RIMS1: variants seen among roughly 807,000 people sequenced by gnomAD.
The protein encoded by RIMS1 is regulating synaptic membrane exocytosis protein 1.
In RIMS1, 83 loss-of-function variants were observed where a neutral mutation model predicts 214.1. The ratio of observed to expected loss-of-function variants is 0.39; its 90% CI spans 0.32 to 0.47. RIMS1 has a LOEUF of 0.47. RIMS1 is among the 20% of genes least tolerant of loss of function. The pLI is 0.99. For synonymous variants in RIMS1, 793 were observed against 786.8 expected, an observed-to-expected ratio of 1.01 and a Z score of -0.13; for missense variants, 2,050 against 2,161.8, an observed-to-expected ratio of 0.95 and a Z score of 1.03.
intron 2 of RIMS1, among the ~76,000 whole-genome samples, chr6:72,039,970 C>CT (rs141018621): frequency 0.073 from 11,112 of 152,036 alleles, 468 homozygotes; most frequent in Middle Eastern, 0.13. Context: ...ATTGTTTTCA[C>CT]TTTTTTTGCA....
At chr6:71,922,980 A>G (rs543583068) in intron 1 of RIMS1, among the ~76,000 whole-genome samples, 3 of 152,256 alleles carry the variant, frequency 2.0e-5, no homozygotes, top group Admixed American at 2.0e-4. Flanking sequence ...AAAAAAAATT[A>G]GTGTTTAATT....
At chr6:72,032,421 T>C (rs1206447853) in intron 2 of RIMS1, among the ~76,000 whole-genome samples, 1 of 152,146 alleles carries the variant, frequency 6.6e-6, no homozygotes, top group African/African-American at 2.4e-5. Flanking sequence ...GGGTTTAAGT[T>C]TGGCTTGTCC....
At chr6:72,068,127 A>G (rs971706805) in intron 2 of RIMS1, among the ~76,000 whole-genome samples, 1 of 151,864 alleles carries the variant, frequency 6.6e-6, no homozygotes, top group African/African-American at 2.4e-5. Flanking sequence ...GGAAGAAGAA[A>G]AAAACATCCC....
At chr6:72,209,793 C>T (rs1397268129) in intron 6 of RIMS1, among the ~76,000 whole-genome samples, 3 of 149,440 alleles carry the variant, frequency 2.0e-5, no homozygotes, top group African/African-American at 2.4e-5. Flanking sequence ...CCCAGCTACT[C>T]GGGAGGCTGA....
intron 4 of RIMS1, among the ~76,000 whole-genome samples, chr6:72,135,196 CA>C (rs1414907941): frequency 6.6e-6 from 1 of 151,898 alleles, no homozygotes; most frequent in African/African-American, 2.4e-5. Flanking sequence ...ACAGAAAGCC[CA>C]AAAGAGTTCA....
At chr6:72,233,237 C>A (rs985996837) in intron 6 of RIMS1, among the ~76,000 whole-genome samples, 1 of 151,694 alleles carries the variant, frequency 6.6e-6, no homozygotes, top group African/African-American at 2.4e-5. Context: ...CATTTGTAGC[C>A]AGTCTTTTGG....
intron 1 of RIMS1, among the ~76,000 whole-genome samples, chr6:71,931,392 T>C (rs1782989054): frequency 6.6e-6 from 1 of 152,022 alleles, no homozygotes; most frequent in Admixed American, 6.6e-5. Flanking sequence ...AAAATAGCCA[T>C]TTGCAGATAT....
intron 1 of RIMS1, among the ~76,000 whole-genome samples, chr6:71,953,611 T>C (rs1265790864): frequency 6.6e-6 from 1 of 152,224 alleles, no homozygotes; most frequent in Non-Finnish European, 1.5e-5. Context: ...CATTATTTCA[T>C]ATCCTCCCAT....
At chr6:72,253,695 A>G (rs2074480847) in intron 16 of RIMS1, among the ~76,000 whole-genome samples, 5 of 152,098 alleles carry the variant, frequency 3.3e-5, no homozygotes, top group Admixed American at 3.3e-4. Flanking sequence ...CTCAGATGGC[A>G]GTGTACTTAA....
chr6:71,962,336 G>C (rs1793201430), intron 1 of RIMS1, among the ~76,000 whole-genome samples: 1 of 151,966 alleles, frequency 6.6e-6, no homozygotes, highest in Non-Finnish European at 1.5e-5. Context: ...TAATTTCCTG[G>C]CCTCTTCAGG....
chr6:72,305,664 G>GTA lies in RIMS1; in HGVS notation c.3851-1591_3851-1590dup, dbSNP rs534748904. On this transcript the variant is annotated intron_variant, in intron 26 of 33. Transcript: ENST00000521978. Reference sequence around the variant, plus strand: ...AATTACTCTTACATAGCATTTTACTGTATAATACTCCTTTTAACTCCTTAT... The same window carrying GTA: ...AATTACTCTTACATAGCATTTTACTGTATATAATACTCCTTTTAACTCCTTAT... Among the ~76,000 whole-genome samples the GTA allele has an allele frequency of 3.9e-5, 6 of 152,146 alleles. No homozygotes were observed. The South Asian group carries it at 1.2e-3, about 32-fold the overall frequency.
intron 29 of RIMS1, among the ~76,000 whole-genome samples, chr6:72,390,325 A>G (rs531314741): frequency 6.6e-6 from 1 of 152,298 alleles, no homozygotes; most frequent in Admixed American, 6.5e-5. Flanking sequence ...TGAAGTTGTC[A>G]CCATCAATAA....
intron 29 of RIMS1, among the ~76,000 whole-genome samples, chr6:72,353,084 G>A (rs534854485): frequency 2.0e-4 from 28 of 138,972 alleles, no homozygotes; most frequent in African/African-American, 6.3e-4. Flanking sequence ...TCCGTCTCCC[G>A]GGTTCAAGTG....
intron 29 of RIMS1, among the ~76,000 whole-genome samples, chr6:72,372,177 CAT>C (rs929590926): frequency 9.9e-5 from 15 of 152,138 alleles, no homozygotes; most frequent in African/African-American, 3.6e-4. Context: ...AGGCCATAAA[CAT>C]GTGTTGGTGA....
intron 23 of RIMS1, among the ~76,000 whole-genome samples, chr6:72,275,225 T>C (rs1278519551): frequency 6.8e-6 from 1 of 146,670 alleles, no homozygotes; most frequent in Non-Finnish European, 1.5e-5. Context: ...ACAAAGGTTT[T>C]TGGGTGTTTG....
chr6:72,381,027 T>TA (rs1350764686), intron 29 of RIMS1, among the ~76,000 whole-genome samples: 2 of 152,224 alleles, frequency 1.3e-5, no homozygotes, highest in Non-Finnish European at 1.5e-5. Flanking sequence ...AGGGCTGCTG[T>TA]AACAAAATGC....
At chr6:72,244,551 C>T (rs2068515398) in intron 10 of RIMS1, among the ~76,000 whole-genome samples, 1 of 151,644 alleles carries the variant, frequency 6.6e-6, no homozygotes, top group Non-Finnish European at 1.5e-5. Context: ...GATTTTTTTA[C>T]AATTTAATTT....
intron 26 of RIMS1, 37 bp downstream of exon 26, chr6:72,292,083 G>A: frequency 7.2e-7 from 1 of 1,392,930 alleles, no homozygotes; most frequent in South Asian, 1.3e-5. Context: ...CAAAAATCTT[G>A]GATTTGAGAA....
intron 4 of RIMS1, among the ~76,000 whole-genome samples, chr6:72,156,633 C>T (rs996915893): frequency 7.1e-6 from 1 of 140,186 alleles, no homozygotes; most frequent in Non-Finnish European, 1.6e-5. Flanking sequence ...TACCTCCCCA[C>T]ACAGGCGGAG....
Sources: gnomAD v4.1 joint callset for allele counts (sites outside exome capture counted in the v4.1 genomes callset) on GRCh38, gnomAD v4.1.1 for gene constraint, MANE v1.5 for transcripts, NCBI Gene and HGNC (gene_info 2026-07-23, HGNC 2026-07-21) for gene names.